PAX5: variants seen among roughly 807,000 people sequenced by gnomAD.
PAX5 encodes the protein paired box protein Pax-5.
In PAX5, 9 loss-of-function variants were observed where a neutral mutation model predicts 43.7. The ratio of observed to expected loss-of-function variants is 0.21; its 90% confidence interval spans 0.12 to 0.36. PAX5 has a LOEUF of 0.36. Among genes scored for constraint, PAX5 ranks in the 10% least tolerant of loss-of-function variants. The pLI is 1.00. For missense variants in PAX5, 383 were observed against 532.7 expected (o/e 0.72, Z 2.77); for synonymous variants, 228 against 214.3 (o/e 1.06, Z -0.56).
chr9:36,904,831 C>T (rs1035530939), intron 7 of PAX5, among the ~76,000 whole-genome samples: 5 of 152,174 alleles, frequency 3.3e-5, no homozygotes, highest in African/African-American at 9.7e-5. Flanking sequence ...TTTATTAATT[C>T]ATCCATTCAT....
At chr9:37,012,114 C>T (rs985337172) in intron 3 of PAX5, among the ~76,000 whole-genome samples, 4 of 152,070 alleles carry the variant, frequency 2.6e-5, no homozygotes, top group Non-Finnish European at 4.4e-5. Flanking sequence ...AAAAAGGAGC[C>T]CCCAGTGAAG....
At chr9:36,851,207 C>G (rs1168441570) in intron 8 of PAX5, among the ~76,000 whole-genome samples, 1 of 152,118 alleles carries the variant, frequency 6.6e-6, no homozygotes, top group African/African-American at 2.4e-5. Flanking sequence ...TTTCCCCAGG[C>G]CAAGGGGACT....
At chr9:36,893,694 AG>A (rs941046396) in intron 7 of PAX5, among the ~76,000 whole-genome samples, 4 of 152,222 alleles carry the variant, frequency 2.6e-5, no homozygotes, top group Admixed American at 2.6e-4. Flanking sequence ...GGACAGAGAC[AG>A]GAAAACAATA....
chr9:36,889,856 T>A (rs1334443086), intron 7 of PAX5, among the ~76,000 whole-genome samples: 1 of 150,286 alleles, frequency 6.7e-6, no homozygotes, highest in African/African-American at 2.4e-5. Context: ...CCAGGCCTGA[T>A]TGATCAGTTT....
intron 8 of PAX5, among the ~76,000 whole-genome samples, chr9:36,880,798 G>A (rs959351368): frequency 6.6e-6 from 1 of 152,170 alleles, no homozygotes; most frequent in African/African-American, 2.4e-5. Flanking sequence ...GGCTGGTCTC[G>A]AACTCCTGGC....
At chr9:36,872,359 G>T (rs528777071) in intron 8 of PAX5, among the ~76,000 whole-genome samples, 5 of 152,304 alleles carry the variant, frequency 3.3e-5, no homozygotes, top group African/African-American at 9.6e-5. Flanking sequence ...CCTCCAGTTC[G>T]GTCAGGAGCT....
rs891960392 is a variant in PAX5, at chr9:36,840,448, G to T, written c.*112C>A. On this transcript the variant is annotated 3_prime_UTR_variant, in exon 10 of 10. Transcript: ENST00000358127. Reference sequence around the variant, plus strand: ...AGGAAGAGGGGAGCTTCAGGCAAGTGGGGGATGCTGGGGGACGGTCTCATG... The same window carrying T: ...AGGAAGAGGGGAGCTTCAGGCAAGTTGGGGATGCTGGGGGACGGTCTCATG... The T allele has an allele frequency of 9.6e-7, 1 of 1,037,798 alleles. No homozygotes were observed. Among genetic ancestry groups the T allele is most frequent in the Admixed American group, 2.0e-5 (1 of 50,286 alleles). The allele number at this position is 1,037,798 out of a possible 1,614,324, so 64.3% of individuals were successfully genotyped here. A position where few individuals can be genotyped will look rare whatever the true frequency, so the allele number is the denominator to read the frequency against.
At chr9:36,900,228 A>G (rs901510362) in intron 7 of PAX5, among the ~76,000 whole-genome samples, 1 of 152,214 alleles carries the variant, frequency 6.6e-6, no homozygotes, top group Non-Finnish European at 1.5e-5. Context: ...TCCCCCAAGT[A>G]GACACGTGCG....
chr9:36,852,110 C>CA (rs2131611298), intron 8 of PAX5, among the ~76,000 whole-genome samples: 1 of 152,306 alleles, frequency 6.6e-6, no homozygotes, highest in South Asian at 2.1e-4. Flanking sequence ...CAAATGACTT[C>CA]ACGTTTGCAG....
intron 5 of PAX5, among the ~76,000 whole-genome samples, chr9:36,994,285 C>G (rs1237699522): frequency 6.6e-6 from 1 of 152,168 alleles, no homozygotes; most frequent in Non-Finnish European, 1.5e-5. Flanking sequence ...GAGATGGAAA[C>G]CAGGTCCTCA....
rs1465939502 is a variant in PAX5, at chr9:36,837,000, A to G, written c.*3560T>C. ...CCGCAGGTTTCAATGTTCTTAGGAAACAAAGCCGCCAACCTGCAGGCCCCT... is the reference window on the plus strand; with the variant it reads ...CCGCAGGTTTCAATGTTCTTAGGAAGCAAAGCCGCCAACCTGCAGGCCCCT... On this transcript the variant is annotated 3_prime_UTR_variant, in exon 10 of 10. Coordinates refer to ENST00000358127, the MANE Select transcript of PAX5 (RefSeq NM_016734.3). The G allele has an allele frequency of 4.3e-6, 1 of 232,630 alleles. No homozygotes were observed. The highest frequency in any genetic ancestry group is 8.5e-6 in the Non-Finnish European group (1 of 117,782). The allele number at this position is 232,630 out of a possible 1,614,324, so 14.4% of individuals were successfully genotyped here.
At chr9:36,964,329 C>G (rs1194848191) in intron 6 of PAX5, among the ~76,000 whole-genome samples, 2 of 151,964 alleles carry the variant, frequency 1.3e-5, no homozygotes, top group Non-Finnish European at 2.9e-5. Context: ...TGGCTCACAC[C>G]TATAATCCCA....
intron 8 of PAX5, among the ~76,000 whole-genome samples, chr9:36,857,436 G>A (rs1823786857): frequency 1.3e-5 from 2 of 152,188 alleles, no homozygotes; most frequent in Admixed American, 6.5e-5. Context: ...AATGCGCCTA[G>A]GCTTCAATCC....
chr9:36,903,894 C>T (rs572120825), intron 7 of PAX5, among the ~76,000 whole-genome samples: 1 of 152,358 alleles, frequency 6.6e-6, no homozygotes, highest in Non-Finnish European at 1.5e-5. Flanking sequence ...TCCTCTGGCA[C>T]ACTTCCAGGC....
chr9:36,903,070 G>A (rs34493964), intron 7 of PAX5, among the ~76,000 whole-genome samples: 26,371 of 152,186 alleles, frequency 0.17, 2,384 homozygotes, highest in African/African-American at 0.19. Context: ...CAGGCAGGCC[G>A]GGCAATGGAG....
Position 36,942,173 on chromosome 9 carries a change from G to A in PAX5, c.781-18689C>T, listed in dbSNP as rs138734224. On this transcript the variant is annotated intron_variant, in intron 6 of 9. Coordinates refer to ENST00000358127, the MANE Select transcript of PAX5 (RefSeq NM_016734.3). The stretch of plus-strand genomic sequence containing the variant: ...AAAGGACCCAGGCCTCCTAGGTCAG[G>A]CCTATAACTCTAGGCAGCGTCTGAG... Among the ~76,000 whole-genome samples, 435 of 152,268 alleles carry A rather than the reference G, an allele frequency of 2.9e-3. 3 individuals are homozygous for A. Among genetic ancestry groups the A allele is most frequent in the African/African-American group, 0.01 (418 of 41,548 alleles).
rs561453842 is a variant in PAX5, at chr9:36,841,971, G to A, written c.1100-1335C>T. Among the ~76,000 whole-genome samples the A allele has an allele frequency of 1.1e-4, 17 of 152,206 alleles. No homozygotes were observed. The East Asian group carries it at 3.3e-3, about 29-fold the overall frequency. ...TCCTGGAGTCTGCCAGAGTAGGGGT[G>A]ACACTTTGGGATGCACCACCTCTCC... On this transcript the variant is annotated intron_variant, in intron 9 of 9. Transcript: ENST00000358127.
intron 5 of PAX5, among the ~76,000 whole-genome samples, chr9:36,970,026 A>C (rs987402330): frequency 6.6e-6 from 1 of 152,246 alleles, no homozygotes; most frequent in African/African-American, 2.4e-5. Context: ...TTTAAAAATA[A>C]ACAAAAACAG....
intron 3 of PAX5, among the ~76,000 whole-genome samples, chr9:37,011,181 C>T (rs1838902801): frequency 6.6e-6 from 1 of 151,644 alleles, no homozygotes; most frequent in Non-Finnish European, 1.5e-5. Flanking sequence ...CTCAGAAGGC[C>T]TGCTACCAAA....
Sources: allele counts gnomAD v4.1 joint callset (sites outside exome capture counted in the v4.1 genomes callset), GRCh38; gene constraint gnomAD v4.1.1; transcripts MANE v1.5; gene names NCBI Gene and HGNC (gene_info 2026-07-23, HGNC 2026-07-21).